The following SYTL5 variants were observed in gnomAD, a reference collection of about 807,000 sequenced individuals.
SYTL5 encodes synaptotagmin like 5.
A neutral mutation model predicts 55.9 loss-of-function variants in SYTL5; 34 were observed. The ratio of observed to expected loss-of-function variants is 0.61; its 90% confidence interval spans 0.46 to 0.81. The LOEUF (loss-of-function observed/expected upper bound fraction) is 0.81, where lower values mean the gene tolerates loss of function less well. Among genes scored for constraint, SYTL5 ranks in the 30% least tolerant of loss-of-function variants. The pLI is 0.00. For synonymous variants in SYTL5, 221 were observed against 188.7 expected (o/e 1.17, Z -1.40); for missense variants, 637 against 546.7 (o/e 1.17, Z -1.65).
the SYTL5 span, among the ~76,000 whole-genome samples, chrX:37,985,706 G>A: frequency 9.1e-6 from 1 of 109,930 alleles, no homozygotes; most frequent in African/African-American, 3.3e-5. Flanking sequence ...GAAATTTCAA[G>A]GGACTCAGAC....
the SYTL5 span, among the ~76,000 whole-genome samples, chrX:37,962,619 T>C: frequency 1.8e-5 from 2 of 111,946 alleles, no homozygotes; most frequent in African/African-American, 6.5e-5. Context: ...AAATGGTATT[T>C]CTAGTTCTAG....
chrX:37,990,949 A>C, the SYTL5 span: 1 of 1,212,033 alleles, frequency 8.3e-7, no homozygotes, highest in Non-Finnish European at 1.1e-6. Flanking sequence ...CGCGTTGTGC[A>C]AGATGAACGA....
intron 3 of SYTL5, among the ~76,000 whole-genome samples, chrX:38,057,130 GTATTT>G (rs1178396221): frequency 9.0e-6 from 1 of 111,660 alleles, no homozygotes; most frequent in Non-Finnish European, 1.9e-5. Context: ...TTAGATTTAA[GTATTT>G]AATCCACTCT....
chrX:38,110,281 C>T, intron 12 of SYTL5, 40 bp from the exon 13 acceptor site: 1 of 1,096,211 alleles, frequency 9.1e-7, no homozygotes, highest in Non-Finnish European at 1.2e-6. Context: ...TTGGATAGAG[C>T]CCTCCTTGTG....
the SYTL5 span, among the ~76,000 whole-genome samples, chrX:37,921,607 A>T: frequency 6.2e-5 from 7 of 112,050 alleles, no homozygotes; most frequent in South Asian, 2.6e-3. Context: ...AGTGGTTGGA[A>T]TTCTGCTATT....
chrX:38,024,076 A>T (rs1315719015), intron 1 of SYTL5: 1 of 110,971 alleles, frequency 9.0e-6, no homozygotes, highest in South Asian at 4.0e-4. Flanking sequence ...ACTTGGTTTA[A>T]CTCTACATAT....
intron 14 of SYTL5, 145 bp from the exon 15 acceptor site, chrX:38,121,935 T>A: frequency 2.0e-6 from 1 of 511,603 alleles, no homozygotes; most frequent in Non-Finnish European, 2.9e-6. Flanking sequence ...TGAATAAAAA[T>A]ATACAATAAT....
chrX:38,051,146 A>T (rs1935611279), intron 2 of SYTL5, among the ~76,000 whole-genome samples: 1 of 111,811 alleles, frequency 8.9e-6, no homozygotes, highest in Non-Finnish European at 1.9e-5. Flanking sequence ...TATTTATGAA[A>T]CTTTAAGAAG....
intron 6 of SYTL5, among the ~76,000 whole-genome samples, chrX:38,079,792 C>T (rs1441216550): frequency 9.0e-6 from 1 of 111,703 alleles, no homozygotes; most frequent in Non-Finnish European, 1.9e-5. Flanking sequence ...AACTATATCC[C>T]TGAGCTTTTT....
chrX:37,911,208 G>A, the SYTL5 span, among the ~76,000 whole-genome samples: 24 of 110,514 alleles, frequency 2.2e-4, no homozygotes, highest in African/African-American at 6.6e-4. Flanking sequence ...CTGACCTCGA[G>A]TGATCTGCCT....
chrX:38,029,610 T>C (rs888242537), intron 1 of SYTL5, among the ~76,000 whole-genome samples: 1 of 111,524 alleles, frequency 9.0e-6, no homozygotes, highest in Non-Finnish European at 1.9e-5. Flanking sequence ...AGTAGGTAAA[T>C]TGAACAATTT....
At chrX:37,900,818 G>T in the SYTL5 span, among the ~76,000 whole-genome samples, 2 of 111,192 alleles carry the variant, frequency 1.8e-5, no homozygotes, top group South Asian at 7.7e-4. Context: ...GCTGGCCTGG[G>T]TCATGTGCCC....
the SYTL5 span, among the ~76,000 whole-genome samples, chrX:37,902,713 G>A: frequency 9.0e-6 from 1 of 111,620 alleles, no homozygotes; most frequent in Non-Finnish European, 1.9e-5. Context: ...CCAGGAATGG[G>A]CACATGACCC....
At chrX:38,067,158 A>C (rs1390371251) in intron 3 of SYTL5, among the ~76,000 whole-genome samples, 1 of 111,895 alleles carries the variant, frequency 8.9e-6, no homozygotes, top group African/African-American at 3.2e-5. Context: ...GAACAAATAC[A>C]AGACTTATAG....
At chrX:37,938,326 C>T in the SYTL5 span, among the ~76,000 whole-genome samples, 1 of 112,462 alleles carries the variant, frequency 8.9e-6, no homozygotes, top group Non-Finnish European at 1.9e-5. Flanking sequence ...GAAAATCTTT[C>T]TGCTCTCAGA....
At chrX:37,977,700 TCACACACACA>T in the SYTL5 span, among the ~76,000 whole-genome samples, 11,646 of 82,417 alleles carry the variant, frequency 0.14, 1,374 homozygotes, top group African/African-American at 0.35. Flanking sequence ...GGACCAATGA[TCACACACACA>T]CACACACACA....
the SYTL5 span, among the ~76,000 whole-genome samples, chrX:37,898,741 A>G: frequency 8.9e-6 from 1 of 112,294 alleles, no homozygotes; most frequent in Admixed American, 9.5e-5. Context: ...CATTCATTCA[A>G]TGATTATAAT....
At chrX:37,890,720 T>C in the SYTL5 span, among the ~76,000 whole-genome samples, 1 of 112,281 alleles carries the variant, frequency 8.9e-6, no homozygotes, top group African/African-American at 3.2e-5. Flanking sequence ...ACACTCCAGT[T>C]GAAAATGGAT....
In SYTL5 at chrX:38,110,309, T is replaced by A; in HGVS notation, c.1435-12T>A. 2 of 1,179,893 alleles carry A rather than the reference T, an allele frequency of 1.7e-6. No individual in the cohort carries two copies. Among genetic ancestry groups the A allele is most frequent in the Non-Finnish European group, 2.3e-6 (2 of 877,889 alleles). On this transcript the variant is annotated splice_polypyrimidine_tract_variant and intron_variant, in intron 12 of 16. Transcript: ENST00000297875. ...TCCTTGTGGAGTGTAATGTTGTAAA[T>A]CTCATTCGCAGTACACTATCAGCCA...
Sources: allele counts gnomAD v4.1 joint callset (sites outside exome capture counted in the v4.1 genomes callset), GRCh38; gene constraint gnomAD v4.1.1; transcripts MANE v1.5; gene names NCBI Gene and HGNC (gene_info 2026-07-23, HGNC 2026-07-21).